Variants in ZNF532 observed in about 807,000 individuals in gnomAD.
ZNF532 encodes zinc finger protein 532.
Under a neutral mutation model 89.3 loss-of-function variants are expected in ZNF532, and 22 were observed. The observed-to-expected ratio is 0.25, with a 90% CI of 0.18 to 0.35. The LOEUF is 0.35. Ranked by LOEUF, ZNF532 falls within the 10% of genes least tolerant of loss-of-function variation. The pLI, the probability that ZNF532 is intolerant of heterozygous loss-of-function variation, is 1.00. For synonymous variants in ZNF532, 606 were observed against 649.6 expected (o/e 0.93, Z 1.02); for missense variants, 1,132 against 1,643.4 (o/e 0.69, Z 5.38).
At chr18:58,978,964 T>C in intron 7 of ZNF532, 91 bp from the exon 8 acceptor site, 1 of 1,047,508 alleles carries the variant, frequency 9.5e-7, no homozygotes. Context: ...CCTGTAATAA[T>C]GATTTAACTT....
At position 58,984,933 on chromosome 18, in the gene ZNF532, G is replaced by A. The variant is rs2068248853; in HGVS notation, c.*467G>A. 1 of 161,040 alleles carries A rather than the reference G, an allele frequency of 6.2e-6. No homozygotes were observed. Among genetic ancestry groups the A allele is most frequent in the African/African-American group, 2.4e-5 (1 of 41,456 alleles). The allele number at this position is 161,040 out of a possible 1,614,324, so 10.0% of individuals were successfully genotyped here. ...TTCACTACATAAATTGTAAGTAATTGTGGGTCTCAAAAACACTAGGAACTT... is the reference window on the plus strand; with the variant it reads ...TTCACTACATAAATTGTAAGTAATTATGGGTCTCAAAAACACTAGGAACTT... On this transcript the variant is annotated 3_prime_UTR_variant, in exon 10 of 10. Transcript: ENST00000591808.
intron 2 of ZNF532, chr18:58,916,731 G>A: frequency 6.1e-6 from 6 of 985,412 alleles, no homozygotes; most frequent in Non-Finnish European, 7.2e-6. Context: ...CCCAGAGTGA[G>A]TTAATATACT....
At chr18:58,900,532 GTC>G (rs1602839987) in intron 2 of ZNF532, among the ~76,000 whole-genome samples, 1 of 152,162 alleles carries the variant, frequency 6.6e-6, no homozygotes, top group African/African-American at 2.4e-5. Context: ...GGGCCTGGCT[GTC>G]TCTGCAGCTG....
At chr18:58,876,771 C>T (rs2057463609) in intron 2 of ZNF532, among the ~76,000 whole-genome samples, 1 of 152,188 alleles carries the variant, frequency 6.6e-6, no homozygotes, top group South Asian at 2.1e-4. Context: ...AGACAAGTGA[C>T]TTTGGGCCTA....
intron 6 of ZNF532, among the ~76,000 whole-genome samples, chr18:58,948,857 G>A (rs1355321708): frequency 1.3e-5 from 2 of 152,040 alleles, no homozygotes; most frequent in Admixed American, 6.6e-5. Context: ...GCGCCTGGCC[G>A]AAGTTTTTCT....
intron 7 of ZNF532, chr18:58,964,125 T>C (rs771187500): frequency 1.3e-5 from 2 of 152,238 alleles, no homozygotes; most frequent in Non-Finnish European, 2.9e-5. Context: ...TCATTAGGCA[T>C]GCCTTACTAC....
chr18:58,935,056 G>A (rs2062265870), intron 4 of ZNF532, among the ~76,000 whole-genome samples: 1 of 146,550 alleles, frequency 6.8e-6, no homozygotes, highest in Non-Finnish European at 1.5e-5. Flanking sequence ...TGGGGTGTAT[G>A]TTCCAGCCTT....
At chr18:58,942,054 G>T (rs558088693) in intron 5 of ZNF532, among the ~76,000 whole-genome samples, 1 of 121,828 alleles carries the variant, frequency 8.2e-6, no homozygotes, top group Non-Finnish European at 1.6e-5. Flanking sequence ...CCTCAGTCTC[G>T]CTGTGTCGCC....
intron 7 of ZNF532, among the ~76,000 whole-genome samples, chr18:58,974,666 CAT>C (rs2066840840): frequency 6.6e-6 from 1 of 152,184 alleles, no homozygotes; most frequent in Non-Finnish European, 1.5e-5. Context: ...ACACAAAACA[CAT>C]ACACACAACA....
chr18:58,881,349 T>C (rs981177534), intron 2 of ZNF532, among the ~76,000 whole-genome samples: 2 of 152,188 alleles, frequency 1.3e-5, no homozygotes, highest in South Asian at 2.1e-4. Flanking sequence ...TTGGCCAGGC[T>C]GGTCTTGAAC....
chr18:58,887,303 T>C (rs949978715), intron 2 of ZNF532, among the ~76,000 whole-genome samples: 4 of 152,236 alleles, frequency 2.6e-5, no homozygotes, highest in African/African-American at 9.6e-5. Context: ...CTGAGGGCAG[T>C]CTTGCCCTTT....
intron 2 of ZNF532, among the ~76,000 whole-genome samples, chr18:58,866,237 A>T (rs1180523704): frequency 6.6e-6 from 1 of 152,184 alleles, no homozygotes; most frequent in Non-Finnish European, 1.5e-5. Flanking sequence ...TCAAAGCTGT[A>T]CTGGAATGGG....
intron 2 of ZNF532, among the ~76,000 whole-genome samples, chr18:58,874,436 C>G (rs1480848444): frequency 6.6e-6 from 1 of 152,180 alleles, no homozygotes; most frequent in Non-Finnish European, 1.5e-5. Flanking sequence ...CCCCTGCCTC[C>G]CAGGTTCAAG....
intron 2 of ZNF532, among the ~76,000 whole-genome samples, chr18:58,895,727 C>A (rs1194710441): frequency 6.6e-6 from 1 of 152,194 alleles, no homozygotes; most frequent in African/African-American, 2.4e-5. Context: ...CCACCCCTCA[C>A]ACTCCTTGTT....
chr18:58,980,451 G>A (rs560471860), intron 8 of ZNF532: 8 of 152,340 alleles, frequency 5.3e-5, no homozygotes, highest in African/African-American at 1.7e-4. Flanking sequence ...CTTTGGGGGT[G>A]GTGCTGGCTC....
chr18:58,979,359 AG>A, intron 8 of ZNF532, 192 bp downstream of exon 8: 1 of 399,854 alleles, frequency 2.5e-6, no homozygotes, highest in Non-Finnish European at 4.5e-6. Flanking sequence ...AAAAAAAAGG[AG>A]CATTTTCTTG....
In ZNF532 at chr18:58,883,350, A is replaced by C. The variant is rs143137418; in HGVS notation, c.-18+17771A>C. Among the ~76,000 whole-genome samples, 1,121 of 152,290 alleles carry C rather than the reference A, an allele frequency of 7.4e-3. 8 individuals carry two copies. The highest frequency in any genetic ancestry group is 0.025 in the African/African-American group (1,050 of 41,576). ...TGTTTCAGAATTCCAAAAGTGTTTT[A>C]AGTGAATTTGGTATCTAGTGAGAAT... is the stretch of plus-strand genomic sequence containing the variant. On this transcript the variant is annotated intron_variant, in intron 2 of 9. Coordinates refer to ENST00000591808, the MANE Select transcript of ZNF532 (RefSeq NM_001375912.1).
At chr18:58,928,529 C>T (rs1256206014) in intron 3 of ZNF532, among the ~76,000 whole-genome samples, 1 of 152,172 alleles carries the variant, frequency 6.6e-6, no homozygotes, top group Non-Finnish European at 1.5e-5. Context: ...TTTGATCACA[C>T]TCTGGTACAC....
chr18:58,901,100 G>T (rs2059572791), intron 2 of ZNF532, among the ~76,000 whole-genome samples: 5 of 152,026 alleles, frequency 3.3e-5, no homozygotes, highest in Non-Finnish European at 5.9e-5. Context: ...TCATAGTATT[G>T]ACCCATGGCC....
Sources: allele counts gnomAD v4.1 joint callset (sites outside exome capture counted in the v4.1 genomes callset), GRCh38; gene constraint gnomAD v4.1.1; transcripts MANE v1.5; gene names NCBI Gene and HGNC (gene_info 2026-07-23, HGNC 2026-07-21).